Variants in NEXMIF observed in about 807,000 individuals in gnomAD.
The protein encoded by NEXMIF is neurite extension and migration factor.
In NEXMIF, 8 loss-of-function variants were observed where a neutral mutation model predicts 62.1. The ratio of observed to expected loss-of-function variants is 0.13; its 90% CI spans 0.08 to 0.23. NEXMIF has a LOEUF of 0.23. Ranked by LOEUF, NEXMIF falls within the 10% of genes least tolerant of loss-of-function variation. The probability of loss-of-function intolerance (pLI) is 1.00; values close to 1 mark genes in which losing one functional copy is unlikely to be tolerated. For missense variants in NEXMIF, 976 were observed against 1,113.3 expected (o/e 0.88, Z 1.75); for synonymous variants, 404 against 416.6 (o/e 0.97, Z 0.37).
chrX:74,894,429 T>C (rs2080726932), intron 1 of NEXMIF, among the ~76,000 whole-genome samples: 1 of 112,098 alleles, frequency 8.9e-6, no homozygotes, highest in Non-Finnish European at 1.9e-5. Context: ...CTATTATCAA[T>C]CTTACTCAGA....
chrX:74,765,871 C>CAAAA (rs755196904), intron 1 of NEXMIF, among the ~76,000 whole-genome samples: 1 of 28,959 alleles, frequency 3.5e-5, no homozygotes, highest in Non-Finnish European at 7.0e-5. Flanking sequence ...ACTGAAAATA[C>CAAAA]AAAAAAAAAA....
intron 1 of NEXMIF, among the ~76,000 whole-genome samples, chrX:74,761,418 A>G (rs372898657): frequency 8.9e-4 from 99 of 111,465 alleles, no homozygotes; most frequent in African/African-American, 3.0e-3. Flanking sequence ...TTCCTTGTTC[A>G]GAAAATAAAT....
At chrX:74,895,161 A>G (rs1429010184) in intron 1 of NEXMIF, among the ~76,000 whole-genome samples, 11 of 112,544 alleles carry the variant, frequency 9.8e-5, no homozygotes, top group African/African-American at 3.6e-4. Flanking sequence ...TAGCATTTCT[A>G]TATGCCAACA....
chrX:74,813,997 T>A (rs1426321442), intron 1 of NEXMIF, among the ~76,000 whole-genome samples: 1 of 111,812 alleles, frequency 8.9e-6, no homozygotes, highest in Non-Finnish European at 1.9e-5. Context: ...TGGATACTAC[T>A]CCTCAGAACC....
At chrX:74,823,027 G>T (rs1218230944) in intron 1 of NEXMIF, among the ~76,000 whole-genome samples, 2 of 111,922 alleles carry the variant, frequency 1.8e-5, no homozygotes, top group African/African-American at 6.5e-5. Flanking sequence ...CTGCAAAAAG[G>T]AACGAAGTAC....
At chrX:74,796,367 G>T (rs1164791139) in intron 1 of NEXMIF, among the ~76,000 whole-genome samples, 1 of 93,842 alleles carries the variant, frequency 1.1e-5, no homozygotes, top group Non-Finnish European at 2.1e-5. Context: ...ACAAAGGTTA[G>T]TACATAAACA....
chrX:74,851,807 A>T lies in NEXMIF; in HGVS notation c.-48+73076T>A, dbSNP rs111384612. ...CACAAAAGTATAAAACCACTGGTAG[A>T]GCAAACAGACAAACAAGGACAAAAA... is the stretch of plus-strand genomic sequence containing the variant. On this transcript the variant is annotated intron_variant, in intron 1 of 3. Transcript: ENST00000055682. 3.3e-3 allele frequency among the ~76,000 whole-genome samples: 371 copies of T among 111,896 alleles called. 4 individuals are homozygous for T. Among genetic ancestry groups the T allele is most frequent in the African/African-American group, 0.011 (351 of 30,830 alleles).
intron 1 of NEXMIF, among the ~76,000 whole-genome samples, chrX:74,796,155 ATATATAT>A (rs1217360078): frequency 1.9e-5 from 1 of 52,259 alleles, no homozygotes; most frequent in Non-Finnish European, 3.8e-5. Flanking sequence ...ATATATATAC[ATATATAT>A]TATATATATT....
intron 1 of NEXMIF, among the ~76,000 whole-genome samples, chrX:74,760,910 C>G (rs1279776253): frequency 9.2e-6 from 1 of 108,878 alleles, no homozygotes; most frequent in Non-Finnish European, 1.9e-5. Flanking sequence ...CTCTGTTGCC[C>G]AGGCTGGAGT....
intron 2 of NEXMIF, among the ~76,000 whole-genome samples, chrX:74,745,198 G>A (rs1279394836): frequency 9.1e-6 from 1 of 110,381 alleles, no homozygotes; most frequent in Non-Finnish European, 1.9e-5. Flanking sequence ...GGCCAGTCTG[G>A]TCTCGAACTC....
intron 1 of NEXMIF, among the ~76,000 whole-genome samples, chrX:74,825,745 G>T (rs1278250764): frequency 8.9e-6 from 1 of 112,034 alleles, no homozygotes; most frequent in African/African-American, 3.2e-5. Flanking sequence ...AGTAGAGATG[G>T]TGTTTTGCCA....
chrX:74,770,061 A>T (rs768292691), intron 1 of NEXMIF, among the ~76,000 whole-genome samples: 67 of 111,914 alleles, frequency 6.0e-4, no homozygotes, highest in Non-Finnish European at 1.0e-3. Context: ...CCCGTTCATA[A>T]ACCCCTCTTC....
chrX:74,871,328 G>T (rs899486663), intron 1 of NEXMIF, among the ~76,000 whole-genome samples: 13 of 111,198 alleles, frequency 1.2e-4, no homozygotes, highest in African/African-American at 3.3e-4. Context: ...GTACGAACAG[G>T]GAGTAGGTCA....
rs1389170094 is a variant in NEXMIF at position 74,742,878 on chromosome X, T to C, written c.1679A>G (p.Lys560Arg). Residue 560 changes from lysine (K) to arginine (R), a missense_variant, in exon 3 of 4, where the codon AAG becomes AGG. Lys to Arg is a conservative substitution (Grantham distance 26). Coordinates refer to ENST00000055682, the MANE Select transcript of NEXMIF (RefSeq NM_001008537.3). Reference sequence around the variant, plus strand: ...CACTGTTGTCTCACTGGCATCCACCTTACCCAACTTCACCAGCATGTTCTT... The same window carrying C: ...CACTGTTGTCTCACTGGCATCCACCCTACCCAACTTCACCAGCATGTTCTT... ...GEKNMLVKLG[K>R]VDASETTVNL... is the part of the protein sequence containing the mutation. The C allele has an allele frequency of 8.3e-7, 1 of 1,211,621 alleles. No individual in the cohort carries two copies. The highest frequency in any genetic ancestry group is 1.8e-5 in the South Asian group (1 of 56,975).
At chrX:74,924,155 G>A (rs1028972945) in intron 1 of NEXMIF, among the ~76,000 whole-genome samples, 1 of 111,494 alleles carries the variant, frequency 9.0e-6, no homozygotes, top group Non-Finnish European at 1.9e-5. Flanking sequence ...TCCCCGCGCC[G>A]GCTCACGGCC....
chrX:74,807,479 T>G (rs2147473209), intron 1 of NEXMIF, among the ~76,000 whole-genome samples: 1 of 110,727 alleles, frequency 9.0e-6, no homozygotes, highest in East Asian at 2.8e-4. Context: ...CTTTTTTTTT[T>G]TGACATGGAG....
intron 1 of NEXMIF, among the ~76,000 whole-genome samples, chrX:74,761,955 T>G (rs1241641608): frequency 9.0e-6 from 1 of 110,856 alleles, no homozygotes; most frequent in East Asian, 2.9e-4. Context: ...TGCCTCAATT[T>G]CTTTCTTTCT....
chrX:74,784,958 G>A (rs985487677), intron 1 of NEXMIF, among the ~76,000 whole-genome samples: 14 of 111,359 alleles, frequency 1.3e-4, no homozygotes, highest in Non-Finnish European at 2.3e-4. Flanking sequence ...GCTCAAGTAC[G>A]CTTCCCCGGC....
intron 1 of NEXMIF, among the ~76,000 whole-genome samples, chrX:74,859,053 T>C (rs2080545862): frequency 9.0e-6 from 1 of 110,883 alleles, no homozygotes; most frequent in African/African-American, 3.3e-5. Context: ...CTAAGAGTAA[T>C]TGACCTTAAA....
Sources: gnomAD v4.1 joint callset for allele counts (sites outside exome capture counted in the v4.1 genomes callset) on GRCh38, gnomAD v4.1.1 for gene constraint, MANE v1.5 for transcripts, NCBI Gene and HGNC (gene_info 2026-07-23, HGNC 2026-07-21) for gene names.